The following FAP variants were observed in gnomAD, a reference collection of about 807,000 sequenced individuals.
The protein encoded by FAP is fibroblast activation protein alpha.
In FAP, 110 loss-of-function variants were observed where a neutral mutation model predicts 126.5. That is an observed-to-expected ratio of 0.87 (90% CI 0.74 to 1.02). The LOEUF (loss-of-function observed/expected upper bound fraction) is 1.02, where lower values mean the gene tolerates loss of function less well. Ranked by LOEUF, FAP falls within the 50% of genes least tolerant of loss-of-function variation. The probability of loss-of-function intolerance (pLI) is 0.00; values close to 1 mark genes in which losing one functional copy is unlikely to be tolerated. For synonymous variants in FAP, 334 were observed against 297.3 expected (o/e 1.12, Z -1.27); for missense variants, 919 against 909.2 (o/e 1.01, Z -0.14).
chr2:162,191,950 A>T (rs906542727), intron 17 of FAP, among the ~76,000 whole-genome samples: 9 of 152,132 alleles, frequency 5.9e-5, no homozygotes, highest in Non-Finnish European at 1.2e-4. Context: ...ATTCTGTCTC[A>T]TCACATCACA....
chr2:162,176,126 A>G (rs956442048), intron 21 of FAP: 2 of 152,170 alleles, frequency 1.3e-5, no homozygotes, highest in African/African-American at 4.8e-5. Flanking sequence ...AGAGAAAGTC[A>G]TTCTTTAGAC....
At chr2:162,240,518 G>A (rs1690302916) in intron 2 of FAP, among the ~76,000 whole-genome samples, 1 of 152,162 alleles carries the variant, frequency 6.6e-6, no homozygotes, top group African/African-American at 2.4e-5. Context: ...TCCCCAACTT[G>A]CAGAGGGAAT....
At chr2:162,184,182 G>A (rs960879174) in intron 20 of FAP, among the ~76,000 whole-genome samples, 19 of 152,226 alleles carry the variant, frequency 1.2e-4, no homozygotes, top group African/African-American at 4.6e-4. Context: ...GTGTTCTAGA[G>A]CAATTGTGAT....
chr2:162,231,902 C>A (rs1001910887), intron 2 of FAP, among the ~76,000 whole-genome samples: 1 of 152,124 alleles, frequency 6.6e-6, no homozygotes, highest in African/African-American at 2.4e-5. Flanking sequence ...CTCACTTTTG[C>A]ACTTGATTTG....
Position 162,188,285 on chromosome 2 carries a change from C to G in FAP, c.1698G>C (p.Gly566=), listed in dbSNP as rs755668854. 2.5e-5 allele frequency: 40 copies of G among 1,613,334 alleles called. No homozygotes were observed. The East Asian group carries it at 8.3e-4, about 33-fold the overall frequency. The change falls in exon 20 of 26, where the codon GGG becomes GGC. Residue 566 remains glycine, a synonymous_variant. Coordinates refer to ENST00000188790, the MANE Select transcript of FAP (RefSeq NM_004460.5). ...NWISYLASKE[G]MVIALVDGRG... ...GACCATCCACCAAGGCAATGACCAT[C>G]CCTTCCTTACTTGCAAGATAAGATA... is the stretch of plus-strand genomic sequence containing the variant.
chr2:162,177,301 C>T (rs567894894), intron 21 of FAP, among the ~76,000 whole-genome samples: 40 of 152,288 alleles, frequency 2.6e-4, no homozygotes, highest in African/African-American at 9.6e-4. Flanking sequence ...ATAATGCACA[C>T]TGGAACATTT....
Position 162,200,550 on chromosome 2 carries a change from A to T in FAP, c.1277+16T>A. 7.1e-7 allele frequency: 1 copy of T among 1,414,394 alleles called. No homozygotes were observed. The allele number at this position is 1,414,394 out of a possible 1,614,324, so 87.6% of individuals were successfully genotyped here. On this transcript the variant is annotated intron_variant, in intron 15 of 25. Coordinates refer to ENST00000188790, the MANE Select transcript of FAP (RefSeq NM_004460.5). ...ATCAACACATAGAAATACCAGAATG[A>T]ATGGACATAAATTACCTGTAGATGT...
chr2:162,224,643 G>T, intron 4 of FAP, 103 bp from the exon 5 acceptor site: 1 of 595,168 alleles, frequency 1.7e-6, no homozygotes, highest in Non-Finnish European at 2.8e-6. Flanking sequence ...ACTCCTACAT[G>T]CATAGACTTT....
intron 2 of FAP, among the ~76,000 whole-genome samples, chr2:162,237,162 G>A (rs892196380): frequency 6.6e-6 from 1 of 152,096 alleles, no homozygotes; most frequent in South Asian, 2.1e-4. Flanking sequence ...AAAAGAGACT[G>A]GTTAGTATTT....
intron 21 of FAP, among the ~76,000 whole-genome samples, chr2:162,178,505 C>A (rs1051645658): frequency 6.6e-6 from 1 of 152,104 alleles, no homozygotes; most frequent in Non-Finnish European, 1.5e-5. Flanking sequence ...TGCCTCCAGA[C>A]GTTGTCAAAT....
chr2:162,179,790 CTATATATATA>C (rs10657426), intron 21 of FAP, among the ~76,000 whole-genome samples: 8 of 115,550 alleles, frequency 6.9e-5, no homozygotes, highest in African/African-American at 2.6e-4. Flanking sequence ...ATCTATCTAT[CTATATATATA>C]TATATATATA....
intron 2 of FAP, among the ~76,000 whole-genome samples, chr2:162,239,083 T>G (rs779128943): frequency 4.6e-5 from 7 of 152,224 alleles, no homozygotes; most frequent in Non-Finnish European, 1.0e-4. Flanking sequence ...TTAAATGATT[T>G]TGGTCTCATA....
intron 2 of FAP, among the ~76,000 whole-genome samples, chr2:162,229,443 T>C (rs1689800949): frequency 6.6e-6 from 1 of 152,174 alleles, no homozygotes; most frequent in Admixed American, 6.5e-5. Flanking sequence ...GCTATTAGTA[T>C]ATACAATTGA....
chr2:162,177,948 T>A (rs1687542417), intron 21 of FAP, among the ~76,000 whole-genome samples: 1 of 152,178 alleles, frequency 6.6e-6, no homozygotes, highest in Admixed American at 6.5e-5. Context: ...CAGAGTAAAC[T>A]TATAGTGGCT....
rs537597066 is a variant in FAP at position 162,191,261 on chromosome 2, C to T, written c.1451-1507G>A. ...CCTTCTTCATTCTATTCTTAGCTAT[C>T]GAACTTTTCTGATACATGACTTAAT... On this transcript the variant is annotated intron_variant, in intron 17 of 25. Coordinates refer to ENST00000188790, the MANE Select transcript of FAP (RefSeq NM_004460.5). Among the ~76,000 whole-genome samples the T allele has an allele frequency of 2.0e-5, 3 of 152,214 alleles. No homozygotes were observed. The East Asian group carries it at 5.8e-4, about 29-fold the overall frequency.
intron 2 of FAP, among the ~76,000 whole-genome samples, chr2:162,233,469 G>A (rs904332045): frequency 1.3e-5 from 2 of 152,090 alleles, no homozygotes; most frequent in African/African-American, 4.8e-5. Flanking sequence ...GCATTTTGCA[G>A]TGACTGATAG....
intron 6 of FAP, among the ~76,000 whole-genome samples, chr2:162,223,033 A>ATG (rs1341823316): frequency 6.6e-6 from 1 of 152,306 alleles, no homozygotes; most frequent in East Asian, 1.9e-4. Flanking sequence ...AACAGTTTAT[A>ATG]TGTATATATA....
chr2:162,230,960 G>A lies in FAP; in HGVS notation c.92-4339C>T, dbSNP rs955743504. ...CCTGCAGAGCAATCCATATGTCATG[G>A]AGAAGAGATTCCACATAACTGAGTG... On this transcript the variant is annotated intron_variant, in intron 2 of 25. Coordinates refer to ENST00000188790, the MANE Select transcript of FAP (RefSeq NM_004460.5). Among the ~76,000 whole-genome samples, 5 of 152,172 alleles carry A rather than the reference G, an allele frequency of 3.3e-5. No homozygotes were observed. The South Asian group carries it at 1.0e-3, about 32-fold the overall frequency.
rs908655233 is a variant in FAP, at chr2:162,237,230, A to C, written c.91+5678T>G. Reference sequence around the variant, plus strand: ...ACTGTATTAATTATTGCAATTTTTTAAATTATACTTTAAGTTCTAGGATAC... The same window carrying C: ...ACTGTATTAATTATTGCAATTTTTTCAATTATACTTTAAGTTCTAGGATAC... On this transcript the variant is annotated intron_variant, in intron 2 of 25. Transcript: ENST00000188790. 5.9e-5 allele frequency among the ~76,000 whole-genome samples: 9 copies of C among 152,138 alleles called. 1 individual carries two copies. The South Asian group carries it at 1.9e-3, about 32-fold the overall frequency.
Sources: gnomAD v4.1 joint callset for allele counts (sites outside exome capture counted in the v4.1 genomes callset) on GRCh38, gnomAD v4.1.1 for gene constraint, MANE v1.5 for transcripts, NCBI Gene and HGNC (gene_info 2026-07-23, HGNC 2026-07-21) for gene names.